Variants in ZNHIT6 observed in about 807,000 individuals in gnomAD.
The protein encoded by ZNHIT6 is zinc finger HIT-type containing 6, also known as box C/D snoRNA protein 1.
Under a neutral mutation model 57.2 loss-of-function variants are expected in ZNHIT6, and 45 were observed. That is an observed-to-expected ratio of 0.79 (90% CI 0.62 to 1.01). The LOEUF (loss-of-function observed/expected upper bound fraction) is 1.01, where lower values mean the gene tolerates loss of function less well. ZNHIT6 is among the 50% of genes least tolerant of loss of function. The probability of loss-of-function intolerance (pLI) is 0.00; values close to 1 mark genes in which losing one functional copy is unlikely to be tolerated. For synonymous variants in ZNHIT6, 188 were observed against 190.0 expected, an observed-to-expected ratio of 0.99 and a Z score of 0.09; for missense variants, 528 against 567.3, an observed-to-expected ratio of 0.93 and a Z score of 0.70.
intron 8 of ZNHIT6, among the ~76,000 whole-genome samples, chr1:85,668,574 T>G (rs1338589570): frequency 6.6e-6 from 1 of 152,234 alleles, no homozygotes; most frequent in East Asian, 1.9e-4. Flanking sequence ...TTCTCCAGTA[T>G]ATACTTAATT....
chr1:85,708,134 G>A lies in ZNHIT6; in HGVS notation c.151C>T (p.Leu51=), dbSNP rs1405732278. The A allele has an allele frequency of 1.2e-6, 2 of 1,613,966 alleles. No individual in the cohort carries two copies. The highest frequency in any genetic ancestry group is 8.5e-7 in the Non-Finnish European group (1 of 1,180,008). The change falls in exon 1 of 10, where the codon CTG becomes TTG. Residue 51 remains leucine (L), a synonymous_variant. Transcript: ENST00000370574. ...TCCCCTATCTCCTTTATCCCTGTCA[G>A]CCCTGTCCCCTCCTCTCCGCCGCCG... is the stretch of plus-strand genomic sequence containing the variant. ...EFGGGEEGTG[L]TGIKEIGDGE...
chr1:85,701,701 C>G (rs1044116081), intron 5 of ZNHIT6, among the ~76,000 whole-genome samples: 1 of 152,154 alleles, frequency 6.6e-6, no homozygotes, highest in African/African-American at 2.4e-5. Flanking sequence ...CCCTGAAATA[C>G]TTTCTTGGTA....
In ZNHIT6 at chr1:85,656,494, C is replaced by T. The variant is rs17128041; in HGVS notation, c.1372+1353G>A. On this transcript the variant is annotated intron_variant, in intron 9 of 9. Transcript: ENST00000370574. ...CAAGGTGAAAGGAGAGCTGTGTGTG[C>T]TGTTTATTTATACAGAAGATGTTTG... Among the ~76,000 whole-genome samples, 1,434 of 152,238 alleles carry T rather than the reference C, an allele frequency of 9.4e-3. 59 individuals carry two copies. The highest frequency in any genetic ancestry group is 0.063 in the Admixed American group (958 of 15,294).
At position 85,706,621 on chromosome 1, in the gene ZNHIT6, G is replaced by C. The variant is rs72946690; in HGVS notation, c.657-114C>G. ...GTGACAAGTAACTGATAAAATATTT[G>C]ATAGCTGTTGAACATCATTTGAAAA... On this transcript the variant is annotated intron_variant, in intron 1 of 9. Transcript: ENST00000370574. 711 of 941,252 alleles carry C rather than the reference G, an allele frequency of 7.6e-4. 3 individuals are homozygous for C. In the African/African-American group the frequency reaches 0.011, roughly 15 times the overall value. The allele number at this position is 941,252 out of a possible 1,614,324, so 58.3% of individuals were successfully genotyped here. A position where few individuals can be genotyped will look rare whatever the true frequency, so the allele number is the denominator to read the frequency against.
chr1:85,699,644 A>G (rs1662473268), intron 5 of ZNHIT6, among the ~76,000 whole-genome samples: 1 of 152,170 alleles, frequency 6.6e-6, no homozygotes, highest in Admixed American at 6.5e-5. Context: ...TTTTATGGAG[A>G]CAATGTAGAG....
At chr1:85,685,245 GCAC>G (rs1661995693) in intron 5 of ZNHIT6, among the ~76,000 whole-genome samples, 1 of 152,030 alleles carries the variant, frequency 6.6e-6, no homozygotes, top group African/African-American at 2.4e-5. Context: ...AATGTCCACT[GCAC>G]CACTTTATAT....
intron 7 of ZNHIT6, 53 bp from the exon 8 acceptor site, chr1:85,677,366 G>A: frequency 6.7e-7 from 1 of 1,491,730 alleles, no homozygotes; most frequent in Non-Finnish European, 9.2e-7. Context: ...TATATTTCAA[G>A]ATAGTCTTAT....
rs1660893388 is a variant in ZNHIT6, at chr1:85,651,098, T to C, written c.*2960A>G. ...GTCAACATAATTAAACAAAAATGTA[T>C]AAAGAAAATTGTTGGCATTATAGTT... On this transcript the variant is annotated 3_prime_UTR_variant, in exon 10 of 10. Coordinates refer to ENST00000370574, the MANE Select transcript of ZNHIT6 (RefSeq NM_017953.4). 1 of 152,190 alleles carries C rather than the reference T, an allele frequency of 6.6e-6. No homozygotes were observed. The highest frequency in any genetic ancestry group is 2.4e-5 in the African/African-American group (1 of 41,438). 9.4% of individuals were successfully genotyped at this position (152,190 alleles called of 1,614,324 possible). A position where few individuals can be genotyped will look rare whatever the true frequency, so the allele number is the denominator to read the frequency against.
chr1:85,670,170 G>C (rs1356809282), intron 8 of ZNHIT6, among the ~76,000 whole-genome samples: 2 of 152,012 alleles, frequency 1.3e-5, no homozygotes, highest in African/African-American at 4.8e-5. Flanking sequence ...GCAGGAATCG[G>C]CAAACTACAG....
chr1:85,687,382 C>A (rs531510067), intron 5 of ZNHIT6, among the ~76,000 whole-genome samples: 2 of 149,720 alleles, frequency 1.3e-5, no homozygotes, highest in Non-Finnish European at 3.0e-5. Context: ...AGTATTTTGC[C>A]GTGATTTCAT....
chr1:85,688,139 G>A (rs997621910), intron 5 of ZNHIT6, among the ~76,000 whole-genome samples: 1 of 152,076 alleles, frequency 6.6e-6, no homozygotes, highest in African/African-American at 2.4e-5. Flanking sequence ...AATAACAATA[G>A]TTTGTTTTAA....
intron 5 of ZNHIT6, among the ~76,000 whole-genome samples, chr1:85,692,545 C>T (rs779645688): frequency 2.4e-4 from 37 of 152,164 alleles, no homozygotes; most frequent in Non-Finnish European, 4.3e-4. Flanking sequence ...AATCAGTTGA[C>T]AAGTCTGTAC....
At position 85,681,011 on chromosome 1, in the gene ZNHIT6, G is replaced by A. The variant is rs41289757; in HGVS notation, c.1020-107C>T. On this transcript the variant is annotated intron_variant, in intron 5 of 9. Transcript: ENST00000370574. ...TAAGATAATTCCAAAATTATTCTTAGACTTTAACATATATTTTCTATTAAG... is the reference window on the plus strand; with the variant it reads ...TAAGATAATTCCAAAATTATTCTTAAACTTTAACATATATTTTCTATTAAG... 6.7e-3 allele frequency: 4,917 copies of A among 732,984 alleles called. 35 individuals carry two copies. Among genetic ancestry groups the A allele is most frequent in the Admixed American group, 0.024 (851 of 35,648 alleles). The allele number at this position is 732,984 out of a possible 1,614,324, so 45.4% of individuals were successfully genotyped here.
intron 8 of ZNHIT6, among the ~76,000 whole-genome samples, chr1:85,667,961 A>AAAAAAAAAAAAAAAAAAAAATATATAT: frequency 7.1e-4 from 13 of 18,200 alleles, no homozygotes; most frequent in Non-Finnish European, 1.1e-3. Context: ...AAAAAAAAAA[A>AAAAAAAAAAAAAAAAAAAAATATATAT]ATATATATAT....
intron 7 of ZNHIT6, among the ~76,000 whole-genome samples, chr1:85,678,125 T>G (rs1359389433): frequency 6.6e-6 from 1 of 152,200 alleles, no homozygotes; most frequent in Non-Finnish European, 1.5e-5. Context: ...TTAACCCAGA[T>G]ATCCATGACT....
intron 9 of ZNHIT6, among the ~76,000 whole-genome samples, chr1:85,657,415 C>CTTT (rs3835558): frequency 1.5e-5 from 2 of 135,296 alleles, no homozygotes; most frequent in African/African-American, 5.4e-5. Flanking sequence ...GGATACTAGG[C>CTTT]TTTTTTTTTT....
intron 5 of ZNHIT6, among the ~76,000 whole-genome samples, chr1:85,693,351 G>C (rs1662271075): frequency 2.0e-5 from 3 of 152,108 alleles, no homozygotes. Flanking sequence ...GAGTGAGTAA[G>C]TAATACAATT....
At chr1:85,657,415 CT>C (rs3835558) in intron 9 of ZNHIT6, among the ~76,000 whole-genome samples, 18,156 of 135,198 alleles carry the variant, frequency 0.13, 1,312 homozygotes, top group African/African-American at 0.22. Context: ...GGATACTAGG[CT>C]TTTTTTTTTT....
chr1:85,660,759 T>C (rs1661201274), intron 8 of ZNHIT6, among the ~76,000 whole-genome samples: 1 of 152,142 alleles, frequency 6.6e-6, no homozygotes, highest in South Asian at 2.1e-4. Flanking sequence ...AAAAACTTGG[T>C]TCCTGTTTTA....
Sources: gnomAD v4.1 joint callset for allele counts (sites outside exome capture counted in the v4.1 genomes callset) on GRCh38, gnomAD v4.1.1 for gene constraint, MANE v1.5 for transcripts, NCBI Gene and HGNC (gene_info 2026-07-23, HGNC 2026-07-21) for gene names.